ZNF331: variants seen among roughly 807,000 people sequenced by gnomAD.
The protein encoded by ZNF331 is zinc finger protein 331, also known as C2H2-like zinc finger protein rearranged in thyroid adenomas.
In ZNF331, 2 loss-of-function variants were observed where a neutral mutation model predicts 7.0. That is an observed-to-expected ratio of 0.29 (90% confidence interval 0.12 to 0.90). ZNF331 has a LOEUF of 0.90. Ranked by LOEUF, ZNF331 falls within the 40% of genes least tolerant of loss-of-function variation. ZNF331 has a pLI of 0.58. For missense variants in ZNF331, 432 were observed against 587.7 expected (o/e 0.74, Z 2.74); for synonymous variants, 196 against 205.4 (o/e 0.95, Z 0.39).
the ZNF331 span, among the ~76,000 whole-genome samples, chr19:53,508,826 T>C: frequency 4.6e-5 from 7 of 152,192 alleles, no homozygotes; most frequent in Non-Finnish European, 7.3e-5. Context: ...TTCACCTTGC[T>C]CTTAGGGACA....
intron 2 of ZNF331, among the ~76,000 whole-genome samples, chr19:53,532,871 T>A (rs563939230): frequency 6.6e-6 from 1 of 152,304 alleles, no homozygotes; most frequent in South Asian, 2.1e-4. Flanking sequence ...TGTCTCCATT[T>A]TCATTTCTGA....
chr19:53,562,611 A>G (rs901318116), intron 3 of ZNF331, among the ~76,000 whole-genome samples: 4 of 151,848 alleles, frequency 2.6e-5, no homozygotes, highest in Non-Finnish European at 4.4e-5. Flanking sequence ...AATCACTTGA[A>G]CCTGGGAGGT....
intron 2 of ZNF331, among the ~76,000 whole-genome samples, chr19:53,532,354 T>C (rs2708813): frequency 0.41 from 62,053 of 151,988 alleles, 12,972 homozygotes; most frequent in Middle Eastern, 0.5. Flanking sequence ...TTTCTATGCC[T>C]GGCTTATTTC....
chr19:53,546,238 AATATT>A (rs1324156768), intron 2 of ZNF331, among the ~76,000 whole-genome samples: 2 of 151,852 alleles, frequency 1.3e-5, no homozygotes, highest in African/African-American at 4.8e-5. Flanking sequence ...GCACTGACCT[AATATT>A]ATATATCTGA....
chr19:53,542,804 A>G (rs1301696527), intron 2 of ZNF331, among the ~76,000 whole-genome samples: 6 of 152,214 alleles, frequency 3.9e-5, no homozygotes, highest in African/African-American at 1.4e-4. Context: ...AGCGGGTTCA[A>G]GGAAGGCACT....
At chr19:53,559,934 C>G (rs1344242857) in intron 3 of ZNF331, among the ~76,000 whole-genome samples, 1 of 149,650 alleles carries the variant, frequency 6.7e-6, no homozygotes, top group African/African-American at 2.5e-5. Context: ...ACCATACACA[C>G]ATACATACAC....
rs536266604 is a variant in ZNF331 at position 53,578,326 on chromosome 19, T to G, written c.*374T>G. ...GGAGTAGTGATGCTGGTGATTCGGA[T>G]ATGCCAAAGAGAAGCCACAAAGTGC... On this transcript the variant is annotated 3_prime_UTR_variant, in exon 6 of 6. Transcript: ENST00000449416. 4.0e-5 allele frequency: 10 copies of G among 250,136 alleles called. No homozygotes were observed. The East Asian group carries it at 5.7e-4, about 14-fold the overall frequency. 15.5% of individuals were successfully genotyped at this position (250,136 alleles called of 1,614,324 possible).
In ZNF331 at chr19:53,577,442, A is replaced by C. The variant is rs369347466; in HGVS notation, c.882A>C (p.Thr294=). The C allele has an allele frequency of 1.9e-6, 3 of 1,614,070 alleles. No individual in the cohort carries two copies. The African/African-American group carries it at 4.0e-5, about 22-fold the overall frequency. ...TCATTCAGCATAAAAGAATTCACAC[A>C]GGTGAGAAACCCTATGAATGTCAAG... ...SSLIQHKRIH[T]GEKPYECQEC... The change falls in exon 6 of 6, where the codon ACA becomes ACC. Residue 294 remains threonine (T), a synonymous_variant. Coordinates refer to ENST00000449416, the MANE Select transcript of ZNF331 (RefSeq NM_001079906.2).
Position 53,562,656 on chromosome 19 carries a change from C to T in ZNF331, c.-73-6648C>T, listed in dbSNP as rs553952208. 2.3e-3 allele frequency among the ~76,000 whole-genome samples: 352 copies of T among 151,876 alleles called. 2 individuals carry two copies. The highest frequency in any genetic ancestry group is 8.1e-3 in the African/African-American group (335 of 41,408). ...AGTGAGCCAAGATCGCTCCACTGTACTCCAGCCTGGGCAACAAGAGCAAAA... is the reference window on the plus strand; with the variant it reads ...AGTGAGCCAAGATCGCTCCACTGTATTCCAGCCTGGGCAACAAGAGCAAAA... On this transcript the variant is annotated intron_variant, in intron 3 of 5. Coordinates refer to ENST00000449416, the MANE Select transcript of ZNF331 (RefSeq NM_001079906.2).
chr19:53,505,528 G>A, the ZNF331 span, among the ~76,000 whole-genome samples: 113 of 152,266 alleles, frequency 7.4e-4, no homozygotes, highest in African/African-American at 2.6e-3. Flanking sequence ...TTGCATGCAA[G>A]GATTTAAGTC....
chr19:53,577,374 G>A lies in ZNF331; in HGVS notation c.814G>A (p.Glu272Lys), dbSNP rs1433641329. The change falls in exon 6 of 6, where the codon GAG becomes AAG. Residue 272 changes from glutamate (E) to lysine (K), a missense_variant. This residue lies in a region of ZNF331 where 312 missense variants were observed against 448.6 expected (regional missense o/e 0.70). Coordinates refer to ENST00000449416, the MANE Select transcript of ZNF331 (RefSeq NM_001079906.2). ...AATTCATAGTGGGGAGAAGCCTTAC[G>A]AGTGTAAAGACTGTGGGAAGGCTTT... ...KRIHSGEKPY[E>K]CKDCGKAFIC... is the part of the protein sequence containing the mutation. 9.9e-6 allele frequency: 16 copies of A among 1,614,174 alleles called. No homozygotes were observed. The highest frequency in any genetic ancestry group is 1.3e-5 in the African/African-American group (1 of 75,040).
chr19:53,534,365 G>A (rs1231192915), upstream of ZNF331, among the ~76,000 whole-genome samples: 1 of 151,948 alleles, frequency 6.6e-6, no homozygotes, highest in Non-Finnish European at 1.5e-5. Context: ...TCAGCTCACT[G>A]CAAACTCCAC....
chr19:53,552,574 A>T (rs2089078247), intron 2 of ZNF331, among the ~76,000 whole-genome samples: 1 of 152,072 alleles, frequency 6.6e-6, no homozygotes, highest in Admixed American at 6.6e-5. Context: ...AAGAAAAAAA[A>T]TTACAAAAAC....
chr19:53,513,931 G>T, the ZNF331 span, among the ~76,000 whole-genome samples: 1 of 151,892 alleles, frequency 6.6e-6, no homozygotes, highest in South Asian at 2.1e-4. Context: ...CTTTAATAGG[G>T]TTATTACTAT....
chr19:53,519,477 A>G (rs1451029649), upstream of ZNF331, among the ~76,000 whole-genome samples: 1 of 152,202 alleles, frequency 6.6e-6, no homozygotes, highest in East Asian at 1.9e-4. Context: ...CTACTGGGCA[A>G]AGGCCCAACT....
intron 3 of ZNF331, among the ~76,000 whole-genome samples, chr19:53,559,695 C>T (rs994130802): frequency 1.3e-5 from 2 of 149,392 alleles, no homozygotes; most frequent in Admixed American, 1.4e-4. Flanking sequence ...CACATATACA[C>T]ACCCCATATA....
At chr19:53,575,044 C>T (rs985448121) in intron 5 of ZNF331, among the ~76,000 whole-genome samples, 1 of 151,054 alleles carries the variant, frequency 6.6e-6, no homozygotes, top group Non-Finnish European at 1.5e-5. Flanking sequence ...TCAAGCCATC[C>T]TCCCACCTCA....
chr19:53,560,266 A>T lies in ZNF331; in HGVS notation c.-74+4358A>T, dbSNP rs904780738. Among the ~76,000 whole-genome samples, 1 of 151,898 alleles carries T rather than the reference A, an allele frequency of 6.6e-6. No homozygotes were observed. The highest frequency in any genetic ancestry group is 1.5e-5 in the Non-Finnish European group (1 of 67,946). On this transcript the variant is annotated intron_variant, in intron 3 of 5. Coordinates refer to ENST00000449416, the MANE Select transcript of ZNF331 (RefSeq NM_001079906.2). The surrounding 1 kb of genome is among the most constrained non-coding windows in gnomAD (Gnocchi z 4.3). The stretch of plus-strand genomic sequence containing the variant: ...ATATACACACACCATGCACCCACAT[A>T]TATACACACACCATATATATGCACA...
At chr19:53,541,848 A>T (rs972202417) in intron 2 of ZNF331, among the ~76,000 whole-genome samples, 10 of 152,130 alleles carry the variant, frequency 6.6e-5, no homozygotes, top group Non-Finnish European at 1.3e-4. Flanking sequence ...CTACTAAAAT[A>T]AAAAATTGAA....
Sources: allele counts gnomAD v4.1 joint callset (sites outside exome capture counted in the v4.1 genomes callset), GRCh38; gene constraint gnomAD v4.1.1; regional missense constraint gnomAD v4.1.1; non-coding constraint Gnocchi (gnomAD v3.1); transcripts MANE v1.5; gene names NCBI Gene and HGNC (gene_info 2026-07-23, HGNC 2026-07-21).